FRYL: variants seen among roughly 807,000 people sequenced by gnomAD.
FRYL encodes protein furry homolog-like.
In FRYL, 150 loss-of-function variants were observed where a neutral mutation model predicts 351.2. The ratio of observed to expected loss-of-function variants is 0.43; its 90% CI spans 0.37 to 0.49. The LOEUF (loss-of-function observed/expected upper bound fraction) is 0.49, where lower values mean the gene tolerates loss of function less well. Among genes scored for constraint, FRYL ranks in the 20% least tolerant of loss-of-function variants. The pLI, the probability that FRYL is intolerant of heterozygous loss-of-function variation, is 0.00. For missense variants in FRYL, 3,036 were observed against 3,619.3 expected, an observed-to-expected ratio of 0.84 and a Z score of 4.13; for synonymous variants, 1,153 against 1,257.1, an observed-to-expected ratio of 0.92 and a Z score of 1.75.
intron 11 of FRYL, among the ~76,000 whole-genome samples, chr4:48,605,237 C>T (rs2149262483): frequency 6.6e-6 from 1 of 152,152 alleles, no homozygotes; most frequent in East Asian, 1.9e-4. Flanking sequence ...ACGTCAATCA[C>T]TCTCATTAAT....
intron 3 of FRYL, chr4:48,646,013 T>A (rs932356365): frequency 6.6e-6 from 1 of 152,142 alleles, no homozygotes; most frequent in Non-Finnish European, 1.5e-5. Flanking sequence ...TTCCATATAG[T>A]CTCCCTATAA....
At chr4:48,737,396 T>C (rs1234804923) in intron 1 of FRYL, among the ~76,000 whole-genome samples, 1 of 152,166 alleles carries the variant, frequency 6.6e-6, no homozygotes, top group Non-Finnish European at 1.5e-5. Context: ...AATGAGCCAA[T>C]TCCTTGAAAG....
rs762875249 is a variant in FRYL at position 48,548,664 on chromosome 4, A to G, written c.4888+26T>C. ...AAATTATCATAAAAATATAACATGA[A>G]AGAATTAGAACCAAATATTTATTAC... On this transcript the variant is annotated intron_variant, in intron 40 of 63. Coordinates refer to ENST00000358350, the MANE Select transcript of FRYL (RefSeq NM_015030.2). 3 of 1,208,356 alleles carry G rather than the reference A, an allele frequency of 2.5e-6. No homozygotes were observed. The South Asian group carries it at 3.8e-5, about 15-fold the overall frequency. The allele number at this position is 1,208,356 out of a possible 1,614,324, so 74.9% of individuals were successfully genotyped here.
At chr4:48,510,702 G>T in intron 58 of FRYL, 133 bp downstream of exon 58, 1 of 727,020 alleles carries the variant, frequency 1.4e-6, no homozygotes, top group Non-Finnish European at 2.4e-6. Flanking sequence ...ATTGTAGTTT[G>T]CCACATATTT....
chr4:48,743,194 G>A (rs1274224534), intron 1 of FRYL, among the ~76,000 whole-genome samples: 2 of 151,734 alleles, frequency 1.3e-5, no homozygotes, highest in Non-Finnish European at 2.9e-5. Context: ...TGTAATCAAA[G>A]GCAGAAAAGT....
intron 2 of FRYL, among the ~76,000 whole-genome samples, chr4:48,691,699 A>T (rs1475806966): frequency 6.6e-6 from 1 of 152,236 alleles, no homozygotes; most frequent in East Asian, 1.9e-4. Context: ...TTCCCAAAAA[A>T]GTAATGAAGA....
chr4:48,576,688 T>C (rs1739687719), intron 23 of FRYL, among the ~76,000 whole-genome samples: 1 of 152,152 alleles, frequency 6.6e-6, no homozygotes, highest in African/African-American at 2.4e-5. Context: ...AATAAAGTAA[T>C]GGATTAAAAA....
In FRYL at chr4:48,539,843, A is replaced by C; in HGVS notation, c.6393+128T>G. 4.6e-6 allele frequency: 3 copies of C among 651,484 alleles called. No homozygotes were observed. The South Asian group carries it at 7.4e-5, about 16-fold the overall frequency. The allele number at this position is 651,484 out of a possible 1,614,324, so 40.4% of individuals were successfully genotyped here. On this transcript the variant is annotated intron_variant, in intron 47 of 63. Coordinates refer to ENST00000358350, the MANE Select transcript of FRYL (RefSeq NM_015030.2). ...CAAGTCCTTTATGTGCATAAAAATA[A>C]AAATTTAAATGCAAAATTCATATGG...
chr4:48,544,082 C>G lies in FRYL; in HGVS notation c.5402-85G>C, dbSNP rs376229218. On this transcript the variant is annotated intron_variant, in intron 43 of 63. Coordinates refer to ENST00000358350, the MANE Select transcript of FRYL (RefSeq NM_015030.2). ...TAATCAGAAGTGAATCATCTTAAAGCTAGCAGCTAGCACACTTCCTGGCTC... is the reference window on the plus strand; with the variant it reads ...TAATCAGAAGTGAATCATCTTAAAGGTAGCAGCTAGCACACTTCCTGGCTC... 5.4e-6 allele frequency: 6 copies of G among 1,108,704 alleles called. No homozygotes were observed. In the East Asian group the frequency reaches 1.5e-4, roughly 28 times the overall value. 68.7% of individuals were successfully genotyped at this position (1,108,704 alleles called of 1,614,324 possible).
At chr4:48,605,618 C>T (rs1746627878) in intron 11 of FRYL, 123 bp downstream of exon 11, 4 of 674,736 alleles carry the variant, frequency 5.9e-6, no homozygotes, top group African/African-American at 1.9e-5. Flanking sequence ...GCAAATGAGA[C>T]GAGCCTTCCC....
At chr4:48,640,361 T>G (rs1025560195) in intron 3 of FRYL, among the ~76,000 whole-genome samples, 1 of 152,144 alleles carries the variant, frequency 6.6e-6, no homozygotes, top group African/African-American at 2.4e-5. Flanking sequence ...TGTAAAGACA[T>G]GAAGGAATCT....
intron 15 of FRYL, 122 bp downstream of exon 15, chr4:48,595,468 A>C: frequency 1.9e-6 from 1 of 526,916 alleles, no homozygotes; most frequent in East Asian, 3.2e-5. Flanking sequence ...TTAATGAAAT[A>C]AACTTATTCA....
chr4:48,628,355 C>T (rs1752261131), intron 4 of FRYL, among the ~76,000 whole-genome samples: 1 of 151,276 alleles, frequency 6.6e-6, no homozygotes, highest in African/African-American at 2.4e-5. Flanking sequence ...ATAATAATCT[C>T]CAATTTAGAT....
At chr4:48,590,104 A>G (rs1185505555) in intron 17 of FRYL, among the ~76,000 whole-genome samples, 2 of 152,214 alleles carry the variant, frequency 1.3e-5, no homozygotes, top group African/African-American at 2.4e-5. Context: ...TGAAGAAAGG[A>G]CAGAATGCAG....
intron 3 of FRYL, among the ~76,000 whole-genome samples, chr4:48,668,851 A>C (rs573671239): frequency 2.0e-4 from 31 of 152,294 alleles, no homozygotes; most frequent in African/African-American, 6.7e-4. Flanking sequence ...CCTCAACCCA[A>C]AGGCCACAAC....
In FRYL at chr4:48,557,531, G is replaced by A. The variant is rs1428231056; in HGVS notation, c.4047C>T (p.Arg1349=). The A allele has an allele frequency of 1.1e-5, 17 of 1,613,942 alleles. No homozygotes were observed. Among genetic ancestry groups the A allele is most frequent in the Middle Eastern group, 1.6e-4 (1 of 6,084 alleles). ...KDRELMVTSR[R]WLRGEGWGSP... Reference sequence around the variant, plus strand: ...ATCCCCATCCTTCTCCCCGTAACCAGCGCCTACTAGTCACCATAAGTTCTC... The same window carrying A: ...ATCCCCATCCTTCTCCCCGTAACCAACGCCTACTAGTCACCATAAGTTCTC... Residue 1349 remains arginine, a synonymous_variant, in exon 34 of 64, where the codon CGC becomes CGT. Transcript: ENST00000358350.
chr4:48,634,208 T>C, intron 4 of FRYL, 83 bp downstream of exon 4: 1 of 1,013,056 alleles, frequency 9.9e-7, no homozygotes, highest in Non-Finnish European at 1.5e-6. Flanking sequence ...TCAAGTATAT[T>C]ATTTCCTTTG....
At chr4:48,731,134 G>A (rs149973711) in intron 1 of FRYL, among the ~76,000 whole-genome samples, 1,955 of 152,024 alleles carry the variant, frequency 0.013, 17 homozygotes, top group Middle Eastern at 0.027. Context: ...AGGCCATTAC[G>A]TAATGGTAAA....
rs1234089223 is a variant in FRYL at position 48,753,434 on chromosome 4, GTTGT to G, written c.-384+26640_-384+26643del. Among the ~76,000 whole-genome samples the G allele has an allele frequency of 2.3e-3, 349 of 152,124 alleles. 6 individuals carry two copies. The East Asian group carries it at 0.056, about 24-fold the overall frequency. On this transcript the variant is annotated intron_variant, in intron 1 of 63. Coordinates refer to ENST00000358350, the MANE Select transcript of FRYL (RefSeq NM_015030.2). ...ATTCTAGGTGACTCATTTTTTAACT[GTTGT>G]TATTGCAATATAATTCATATACCAT...
Sources: allele counts gnomAD v4.1 joint callset (sites outside exome capture counted in the v4.1 genomes callset), GRCh38; gene constraint gnomAD v4.1.1; transcripts MANE v1.5; gene names NCBI Gene and HGNC (gene_info 2026-07-23, HGNC 2026-07-21).